The following RP1 variants were observed in gnomAD, a reference collection of about 807,000 sequenced individuals.
RP1 encodes the protein oxygen-regulated protein 1.
In RP1, 16 loss-of-function variants were observed where a neutral mutation model predicts 14.8. The ratio of observed to expected loss-of-function variants is 1.08; its 90% CI spans 0.73 to 1.65. RP1 has a LOEUF of 1.65. Ranked by LOEUF, RP1 falls within the 40% of genes most tolerant of loss-of-function variation. The pLI, the probability that RP1 is intolerant of heterozygous loss-of-function variation, is 0.00. For synonymous variants in RP1, 876 were observed against 883.6 expected (o/e 0.99, Z 0.15); for missense variants, 2,631 against 2,535.0 (o/e 1.04, Z -0.81).
rs546733418 is a variant in RP1 at position 54,673,262 on chromosome 8, A to G, written c.1324-588A>G. Among the ~76,000 whole-genome samples, 8 of 151,984 alleles carry G rather than the reference A, an allele frequency of 5.3e-5. No individual in the cohort carries two copies. The South Asian group carries it at 1.7e-3, about 32-fold the overall frequency. On this transcript the variant is annotated intron_variant, in intron 7 of 22. Coordinates refer to the RP1 transcript ENST00000636932. Reference sequence around the variant, plus strand: ...AAACATAATACACTATACAAAGGTTATTTTTTCTTACCATTTTTTAATGGA... The same window carrying G: ...AAACATAATACACTATACAAAGGTTGTTTTTTCTTACCATTTTTTAATGGA...
chr8:54,754,856 A>G, exon 20 of RP1: 1 of 1,528,312 alleles, frequency 6.5e-7, no homozygotes, highest in Non-Finnish European at 8.7e-7. Context: ...CAGCAAACGT[A>G]TGGCTGTCTC....
intron 9 of RP1, among the ~76,000 whole-genome samples, chr8:54,678,878 T>C (rs1225507074): frequency 6.6e-6 from 1 of 152,138 alleles, no homozygotes; most frequent in Non-Finnish European, 1.5e-5. Context: ...ATAATAAATA[T>C]ACACAGTGTT....
chr8:54,811,581 C>T (rs1233920016), intron 24 of RP1, among the ~76,000 whole-genome samples: 4 of 152,156 alleles, frequency 2.6e-5, no homozygotes, highest in African/African-American at 2.4e-5. Flanking sequence ...TATGCTTCTT[C>T]GTCAGTACAT....
At chr8:54,654,983 A>G (rs894196456) in intron 5 of RP1, among the ~76,000 whole-genome samples, 5 of 152,176 alleles carry the variant, frequency 3.3e-5, no homozygotes, top group Admixed American at 6.5e-5. Flanking sequence ...TTTTAAAATC[A>G]TTGAAGTTGA....
intron 25 of RP1, among the ~76,000 whole-genome samples, chr8:54,839,334 T>C (rs1811738462): frequency 6.6e-6 from 1 of 152,202 alleles, no homozygotes; most frequent in Non-Finnish European, 1.5e-5. Flanking sequence ...TCATCTTTAA[T>C]ACCCACTCAT....
chr8:54,841,310 G>T (rs1432158288), intron 25 of RP1, among the ~76,000 whole-genome samples: 1 of 152,202 alleles, frequency 6.6e-6, no homozygotes. Flanking sequence ...AAGGAGTGAT[G>T]AGGAGAAACT....
At chr8:54,793,766 C>A (rs770639694) in intron 24 of RP1, among the ~76,000 whole-genome samples, 4 of 151,852 alleles carry the variant, frequency 2.6e-5, no homozygotes, top group Non-Finnish European at 5.9e-5. Flanking sequence ...ACATCAGGAA[C>A]AAGATAAGGG....
exon 7 of RP1, chr8:54,663,846 G>A (rs754064754): frequency 8.2e-5 from 125 of 1,521,402 alleles, no homozygotes; most frequent in Admixed American, 1.3e-4. Context: ...TTTTTAAGAG[G>A]ACAAGTAAGC....
At chr8:54,719,818 A>G (rs976365826) in intron 15 of RP1, among the ~76,000 whole-genome samples, 1 of 152,238 alleles carries the variant, frequency 6.6e-6, no homozygotes, top group African/African-American at 2.4e-5. Context: ...AATGTTCTAC[A>G]TTCACCCATA....
chr8:54,868,357 C>T (rs1318558257), intron 28 of RP1, among the ~76,000 whole-genome samples: 1 of 152,176 alleles, frequency 6.6e-6, no homozygotes, highest in Admixed American at 6.6e-5. Context: ...GCACTGTTAT[C>T]ATTAACTATA....
intron 22 of RP1, among the ~76,000 whole-genome samples, chr8:54,761,373 A>C (rs1809637007): frequency 6.6e-6 from 1 of 150,828 alleles, no homozygotes; most frequent in Non-Finnish European, 1.5e-5. Context: ...AGTAGCTGGG[A>C]TTACAGGCAT....
At chr8:54,635,124 A>C (rs993931991), downstream of RP1, among the ~76,000 whole-genome samples, 9 of 151,484 alleles carry the variant, frequency 5.9e-5, no homozygotes, top group Non-Finnish European at 1.0e-4. Flanking sequence ...TTATTTTTTT[A>C]TCAATGGGAA....
chr8:54,857,796 C>A (rs1563398286), intron 27 of RP1, among the ~76,000 whole-genome samples: 1 of 152,172 alleles, frequency 6.6e-6, no homozygotes, highest in Non-Finnish European at 1.5e-5. Context: ...TCCGACCTTT[C>A]CCTCCATGTC....
intron 19 of RP1, among the ~76,000 whole-genome samples, chr8:54,748,113 C>G (rs183201753): frequency 3.9e-5 from 6 of 152,222 alleles, no homozygotes; most frequent in Non-Finnish European, 5.9e-5. Context: ...GATATGGTAA[C>G]CTACTTGATA....
chr8:54,679,984 G>C, intron 12 of RP1: 6 of 1,503,394 alleles, frequency 4.0e-6, no homozygotes, highest in Non-Finnish European at 4.4e-6. Context: ...GGGAGTTAAA[G>C]GAAGGTAGAT....
chr8:54,828,995 C>T (rs984724303), intron 24 of RP1, among the ~76,000 whole-genome samples: 4 of 147,864 alleles, frequency 2.7e-5, no homozygotes, highest in Admixed American at 6.9e-5. Flanking sequence ...CAGGCTCAAG[C>T]GATTCTCCCG....
intron 25 of RP1, among the ~76,000 whole-genome samples, chr8:54,845,749 T>C (rs2129406159): frequency 6.6e-6 from 1 of 152,332 alleles, no homozygotes; most frequent in South Asian, 2.1e-4. Context: ...TTATTATCAC[T>C]TCCTATTACT....
At chr8:54,652,748 A>T in intron 4 of RP1, 2 of 1,458,796 alleles carry the variant, frequency 1.4e-6, no homozygotes, top group Non-Finnish European at 1.9e-6. Flanking sequence ...TTGTGAAATT[A>T]CATTGAAAGT....
In RP1 at chr8:54,694,092, T is replaced by A. The variant is rs191922214; in HGVS notation, c.1718-5375T>A. On this transcript the variant is annotated intron_variant, in intron 12 of 22. Coordinates refer to the RP1 transcript ENST00000636932. ...CTGAGATAATCATGTGGTTTTTGTCTTTGGTTCTATTTATATGCTGGATTA... is the reference window on the plus strand; with the variant it reads ...CTGAGATAATCATGTGGTTTTTGTCATTGGTTCTATTTATATGCTGGATTA... Among the ~76,000 whole-genome samples, 27 of 152,320 alleles carry A rather than the reference T, an allele frequency of 1.8e-4. No homozygotes were observed. The East Asian group carries it at 5.0e-3, about 28-fold the overall frequency.
Sources: gnomAD v4.1 joint callset for allele counts (sites outside exome capture counted in the v4.1 genomes callset) on GRCh38, gnomAD v4.1.1 for gene constraint, MANE v1.5 for transcripts, NCBI Gene and HGNC (gene_info 2026-07-23, HGNC 2026-07-21) for gene names.